CFAP58: variants seen among roughly 807,000 people sequenced by gnomAD.
CFAP58 encodes the protein cilia- and flagella-associated protein 58.
Under a neutral mutation model 119.5 loss-of-function variants are expected in CFAP58, and 88 were observed. The observed-to-expected ratio is 0.74, with a 90% confidence interval of 0.62 to 0.88. CFAP58 has a LOEUF of 0.88. CFAP58 is among the 40% of genes least tolerant of loss of function. The probability of loss-of-function intolerance (pLI) is 0.00; values close to 1 mark genes in which losing one functional copy is unlikely to be tolerated. For missense variants in CFAP58, 990 were observed against 1,021.2 expected (o/e 0.97, Z 0.42); for synonymous variants, 365 against 366.3 (o/e 1.00, Z 0.04).
the CFAP58 span, among the ~76,000 whole-genome samples, chr10:104,342,468 TGTGTGAAA>T: frequency 6.6e-6 from 1 of 151,912 alleles, no homozygotes; most frequent in Non-Finnish European, 1.5e-5. Flanking sequence ...TATACATGTG[TGTGTGAAA>T]GTAGATGGAA....
intron 8 of CFAP58, among the ~76,000 whole-genome samples, chr10:104,377,580 G>A (rs2011696416): frequency 6.6e-6 from 1 of 152,188 alleles, no homozygotes; most frequent in Non-Finnish European, 1.5e-5. Context: ...TTCTTCCAGG[G>A]AGGAAGAAGC....
At position 104,454,590 on chromosome 10, in the gene CFAP58, G is replaced by A; in HGVS notation, c.*60G>A. On this transcript the variant is annotated 3_prime_UTR_variant, in exon 18 of 18. Transcript: ENST00000369704. ...CATGAAATCTGCTCTGGGACATTTT[G>A]GGGGAATCTCAAAGTCCTTGGATCA... 2.4e-6 allele frequency: 3 copies of A among 1,274,670 alleles called. No homozygotes were observed. In the South Asian group the frequency reaches 3.6e-5, roughly 15 times the overall value. 79.0% of individuals were successfully genotyped at this position (1,274,670 alleles called of 1,614,324 possible). A position where few individuals can be genotyped will look rare whatever the true frequency, so the allele number is the denominator to read the frequency against.
intron 15 of CFAP58, among the ~76,000 whole-genome samples, chr10:104,440,686 G>A (rs1183917929): frequency 2.0e-5 from 3 of 151,988 alleles, no homozygotes; most frequent in South Asian, 2.1e-4. Flanking sequence ...AAATTTAATC[G>A]TCATAGAGAC....
At chr10:104,349,726 GT>G (rs1428544702), upstream of CFAP58, among the ~76,000 whole-genome samples, 1 of 152,184 alleles carries the variant, frequency 6.6e-6, no homozygotes, top group East Asian at 1.9e-4. Flanking sequence ...TAGGCCATTA[GT>G]TACCACTGTG....
intron 5 of CFAP58, 71 bp from the exon 6 acceptor site, chr10:104,368,352 C>A: frequency 6.7e-7 from 1 of 1,496,516 alleles, no homozygotes; most frequent in Admixed American, 2.0e-5. Context: ...GTTTGTGGGG[C>A]CCCCTGTGTG....
At chr10:104,448,392 G>C (rs537504592) in intron 16 of CFAP58, among the ~76,000 whole-genome samples, 1 of 152,358 alleles carries the variant, frequency 6.6e-6, no homozygotes, top group African/African-American at 2.4e-5. Flanking sequence ...CTCAGTTGCA[G>C]AGATATGGAG....
chr10:104,392,689 G>C (rs1032281818), intron 10 of CFAP58, among the ~76,000 whole-genome samples: 27 of 147,800 alleles, frequency 1.8e-4, no homozygotes, highest in African/African-American at 6.8e-4. Context: ...CACCCAGCTG[G>C]AGTGCAGTGA....
chr10:104,343,469 C>T, the CFAP58 span, among the ~76,000 whole-genome samples: 1 of 152,146 alleles, frequency 6.6e-6, no homozygotes, highest in Non-Finnish European at 1.5e-5. Context: ...TCATTTAATC[C>T]TCATATCAAC....
intron 15 of CFAP58, among the ~76,000 whole-genome samples, chr10:104,418,374 C>G (rs2012588122): frequency 1.3e-5 from 2 of 152,118 alleles, no homozygotes; most frequent in African/African-American, 4.8e-5. Flanking sequence ...TGGTGAAACC[C>G]CATCTCTACT....
intron 15 of CFAP58, among the ~76,000 whole-genome samples, chr10:104,438,779 C>G (rs2012987826): frequency 6.6e-6 from 1 of 152,184 alleles, no homozygotes; most frequent in Non-Finnish European, 1.5e-5. Flanking sequence ...ACTCATAGGT[C>G]TATATCCTAG....
intron 13 of CFAP58, 38 bp from the exon 14 acceptor site, chr10:104,403,691 T>A: frequency 7.3e-7 from 1 of 1,367,718 alleles, no homozygotes; most frequent in Non-Finnish European, 1.0e-6. Flanking sequence ...TTCAAACGGG[T>A]GGATAATTCT....
intron 15 of CFAP58, among the ~76,000 whole-genome samples, chr10:104,437,907 A>G (rs1347073218): frequency 6.6e-6 from 1 of 152,220 alleles, no homozygotes; most frequent in African/African-American, 2.4e-5. Flanking sequence ...GAGAAATCAT[A>G]AGAGCACAAA....
chr10:104,392,185 GCACAGATGGGCTATTTAAC>G (rs56655226), intron 9 of CFAP58, 29 bp from the exon 10 acceptor site: 33,340 of 1,542,426 alleles, frequency 0.022, 1,999 homozygotes, highest in African/African-American at 0.17. Flanking sequence ...GAACCAATAA[GCACAGATGGGCTATTTAAC>G]CACATTCATA....
rs1026463203 is a variant in CFAP58, at chr10:104,454,555, T to C, written c.*25T>C. The C allele has an allele frequency of 2.6e-6, 4 of 1,541,888 alleles. No individual in the cohort carries two copies. Among genetic ancestry groups the C allele is most frequent in the South Asian group, 1.1e-5 (1 of 89,626 alleles). ...ACCTGAAGCTGCTGGCTGTTTCCAG[T>C]TGAACAACTCATGAAATCTGCTCTG... is the stretch of plus-strand genomic sequence containing the variant. On this transcript the variant is annotated 3_prime_UTR_variant, in exon 18 of 18. Transcript: ENST00000369704.
chr10:104,364,460 ACACACACACACTCT>A (rs2014714745), intron 3 of CFAP58, among the ~76,000 whole-genome samples: 1 of 151,708 alleles, frequency 6.6e-6, no homozygotes, highest in African/African-American at 2.4e-5. Flanking sequence ...ACACACACAC[ACACACACACACTCT>A]CACACGCATG....
intron 9 of CFAP58, among the ~76,000 whole-genome samples, chr10:104,381,324 A>G (rs2011797900): frequency 6.6e-6 from 1 of 152,192 alleles, no homozygotes; most frequent in Admixed American, 6.5e-5. Context: ...CATTTTAGCC[A>G]GCTGTCTTAG....
At chr10:104,354,658 T>C (rs1352837059) in intron 1 of CFAP58, among the ~76,000 whole-genome samples, 2 of 152,090 alleles carry the variant, frequency 1.3e-5, no homozygotes, top group Non-Finnish European at 2.9e-5. Flanking sequence ...ATCAGAGCCC[T>C]TCCCCCATCA....
intron 8 of CFAP58, among the ~76,000 whole-genome samples, chr10:104,377,839 A>T (rs1468672174): frequency 6.6e-6 from 1 of 152,258 alleles, no homozygotes; most frequent in African/African-American, 2.4e-5. Context: ...CATGCTAAGC[A>T]CTTTTAAAGA....
the CFAP58 span, among the ~76,000 whole-genome samples, chr10:104,347,408 C>G: frequency 6.6e-6 from 1 of 152,038 alleles, no homozygotes; most frequent in Admixed American, 6.5e-5. Context: ...AAATATGCCC[C>G]CAACAGTTTT....
Sources: allele counts gnomAD v4.1 joint callset (sites outside exome capture counted in the v4.1 genomes callset), GRCh38; gene constraint gnomAD v4.1.1; transcripts MANE v1.5; gene names NCBI Gene and HGNC (gene_info 2026-07-23, HGNC 2026-07-21).